MALRD1: variants seen among roughly 807,000 people sequenced by gnomAD.
MALRD1 encodes MAM and LDL receptor class A domain containing 1, also known as MAM and LDL-receptor class A domain-containing protein 1.
Under a neutral mutation model 242.1 loss-of-function variants are expected in MALRD1, and 247 were observed. The ratio of observed to expected loss-of-function variants is 1.02; its 90% CI spans 0.92 to 1.13. The LOEUF (loss-of-function observed/expected upper bound fraction) is 1.13. MALRD1 is among the 50% of genes most tolerant of loss of function. The probability of loss-of-function intolerance (pLI) is 0.00; values close to 1 mark genes in which losing one functional copy is unlikely to be tolerated. For missense variants in MALRD1, 2,989 were observed against 2,533.1 expected (o/e 1.18, Z -3.86); for synonymous variants, 995 against 866.6 (o/e 1.15, Z -2.60).
chr10:19,063,913 T>C (rs940504046), intron 1 of MALRD1, among the ~76,000 whole-genome samples: 1 of 151,932 alleles, frequency 6.6e-6, no homozygotes, highest in Non-Finnish European at 1.5e-5. Flanking sequence ...CTGCACATTG[T>C]GCACATGTAC....
At chr10:19,723,247 G>GT (rs1036956466) in intron 38 of MALRD1, among the ~76,000 whole-genome samples, 3 of 152,160 alleles carry the variant, frequency 2.0e-5, no homozygotes, top group Non-Finnish European at 2.9e-5. Flanking sequence ...AAATTATTAT[G>GT]TTTATCCATT....
At chr10:19,137,115 G>A (rs982422271) in intron 10 of MALRD1, among the ~76,000 whole-genome samples, 1 of 152,136 alleles carries the variant, frequency 6.6e-6, no homozygotes, top group Non-Finnish European at 1.5e-5. Flanking sequence ...TGCCTTGGAG[G>A]CATATAGTAT....
At chr10:19,722,819 C>G (rs1834833243) in intron 38 of MALRD1, among the ~76,000 whole-genome samples, 1 of 151,844 alleles carries the variant, frequency 6.6e-6, no homozygotes, top group Non-Finnish European at 1.5e-5. Context: ...CGGTGGGCAC[C>G]TACTTGTGAT....
intron 26 of MALRD1, among the ~76,000 whole-genome samples, chr10:19,370,811 A>G (rs1054276811): frequency 2.6e-5 from 4 of 152,068 alleles, no homozygotes; most frequent in Admixed American, 2.0e-4. Context: ...TCCTGACCTC[A>G]AGTAATCTGC....
At chr10:19,277,159 C>G (rs1047637332) in intron 19 of MALRD1, among the ~76,000 whole-genome samples, 4 of 152,104 alleles carry the variant, frequency 2.6e-5, no homozygotes, top group African/African-American at 4.8e-5. Flanking sequence ...ATCCTGAGTT[C>G]AAGTGATCCA....
chr10:19,440,412 G>A (rs539828928), intron 28 of MALRD1, among the ~76,000 whole-genome samples: 1 of 151,844 alleles, frequency 6.6e-6, no homozygotes, highest in Admixed American at 6.6e-5. Context: ...TGTTACATAT[G>A]TATACATGTG....
intron 32 of MALRD1, among the ~76,000 whole-genome samples, chr10:19,556,306 A>G (rs1835714261): frequency 6.6e-6 from 1 of 152,146 alleles, no homozygotes; most frequent in Non-Finnish European, 1.5e-5. Context: ...ATTAAAGTTT[A>G]TAGTTTACAC....
At chr10:19,280,883 T>G (rs548101439) in intron 20 of MALRD1, among the ~76,000 whole-genome samples, 3 of 152,188 alleles carry the variant, frequency 2.0e-5, no homozygotes, top group African/African-American at 7.2e-5. Flanking sequence ...GTAAACACTT[T>G]GAAATATCTT....
intron 26 of MALRD1, among the ~76,000 whole-genome samples, chr10:19,361,187 G>A (rs1376037676): frequency 2.0e-5 from 3 of 152,104 alleles, no homozygotes; most frequent in Non-Finnish European, 4.4e-5. Context: ...TGGAACATGT[G>A]AATATATTTT....
At chr10:19,304,635 A>C (rs1477254173) in intron 21 of MALRD1, among the ~76,000 whole-genome samples, 2 of 151,728 alleles carry the variant, frequency 1.3e-5, no homozygotes, top group Non-Finnish European at 2.9e-5. Flanking sequence ...AATCTTATCA[A>C]TTGGATTTAA....
intron 36 of MALRD1, among the ~76,000 whole-genome samples, chr10:19,661,404 G>A (rs1841425309): frequency 6.6e-6 from 1 of 152,130 alleles, no homozygotes; most frequent in Admixed American, 6.5e-5. Context: ...AACAATGATA[G>A]ACTGGATTAA....
In MALRD1 at chr10:19,570,025, A is replaced by G. The variant is rs558289171; in HGVS notation, c.5680+2322A>G. On this transcript the variant is annotated intron_variant, in intron 33 of 39. Coordinates refer to ENST00000454679, the MANE Select transcript of MALRD1 (RefSeq NM_001142308.3). Reference sequence around the variant, plus strand: ...CTGATTGTGTGAACAACAACCTAACATTCACTAAAGTATAAAGGTTCATCT... The same window carrying G: ...CTGATTGTGTGAACAACAACCTAACGTTCACTAAAGTATAAAGGTTCATCT... Among the ~76,000 whole-genome samples the G allele has an allele frequency of 1.1e-4, 16 of 152,054 alleles. No homozygotes were observed. In the South Asian group the frequency reaches 3.1e-3, roughly 30 times the overall value.
chr10:19,594,009 G>A (rs1054149430), intron 33 of MALRD1, among the ~76,000 whole-genome samples: 20 of 152,246 alleles, frequency 1.3e-4, no homozygotes, highest in East Asian at 3.9e-4. Context: ...AAACCATAGC[G>A]GATCTCTATT....
At chr10:19,359,271 A>G (rs75107803) in intron 26 of MALRD1, among the ~76,000 whole-genome samples, 1,937 of 152,250 alleles carry the variant, frequency 0.013, 35 homozygotes, top group African/African-American at 0.036. Flanking sequence ...TCCAAATTTC[A>G]CAGAATGCCT....
intron 28 of MALRD1, among the ~76,000 whole-genome samples, chr10:19,402,359 G>A (rs974951445): frequency 1.2e-4 from 18 of 152,220 alleles, no homozygotes; most frequent in East Asian, 3.9e-4. Flanking sequence ...GGGGCCAGGT[G>A]GAGATCATTG....
intron 36 of MALRD1, among the ~76,000 whole-genome samples, chr10:19,645,301 A>G (rs942441433): frequency 2.0e-5 from 3 of 152,222 alleles, no homozygotes; most frequent in South Asian, 2.1e-4. Context: ...TAGTTCAACC[A>G]TTGTGGAAGT....
intron 29 of MALRD1, among the ~76,000 whole-genome samples, chr10:19,465,109 G>GAA (rs1836154903): frequency 1.3e-5 from 2 of 152,072 alleles, no homozygotes; most frequent in Non-Finnish European, 2.9e-5. Flanking sequence ...GAGCTTTTTG[G>GAA]AGGAGTCTTT....
At chr10:19,592,767 G>GCGCGCA (rs1554808926) in intron 33 of MALRD1, among the ~76,000 whole-genome samples, 1 of 104,512 alleles carries the variant, frequency 9.6e-6, no homozygotes, top group Non-Finnish European at 2.0e-5. Flanking sequence ...ACACACGCAC[G>GCGCGCA]CACACACACA....
intron 28 of MALRD1, among the ~76,000 whole-genome samples, chr10:19,405,739 C>T (rs568445492): frequency 6.6e-6 from 1 of 152,272 alleles, no homozygotes; most frequent in African/African-American, 2.4e-5. Context: ...AGTTCCTAGA[C>T]TCATTCCTTT....
Sources: gnomAD v4.1 joint callset for allele counts (sites outside exome capture counted in the v4.1 genomes callset) on GRCh38, gnomAD v4.1.1 for gene constraint, MANE v1.5 for transcripts, NCBI Gene and HGNC (gene_info 2026-07-23, HGNC 2026-07-21) for gene names.